The following LINGO2 variants were observed in gnomAD, a reference collection of about 807,000 sequenced individuals.
LINGO2 encodes leucine rich repeat and Ig domain containing 2.
Under a neutral mutation model 30.6 loss-of-function variants are expected in LINGO2, and 14 were observed. The observed-to-expected ratio is 0.46, with a 90% CI of 0.30 to 0.72. The LOEUF (loss-of-function observed/expected upper bound fraction) is 0.72. LINGO2 is among the 30% of genes least tolerant of loss of function. The probability of loss-of-function intolerance (pLI) is 0.07; values close to 1 mark genes in which losing one functional copy is unlikely to be tolerated. For synonymous variants in LINGO2, 317 were observed against 288.5 expected (o/e 1.10, Z -1.00); for missense variants, 729 against 751.7 (o/e 0.97, Z 0.35).
chr9:28,337,509 G>T (rs1388795196), intron 3 of LINGO2, among the ~76,000 whole-genome samples: 2 of 152,128 alleles, frequency 1.3e-5, no homozygotes, highest in Non-Finnish European at 2.9e-5. Flanking sequence ...ACCAATACAA[G>T]GGGAAAATGT....
the LINGO2 span, among the ~76,000 whole-genome samples, chr9:29,197,634 A>C: frequency 6.6e-6 from 1 of 152,082 alleles, no homozygotes; most frequent in African/African-American, 2.4e-5. Flanking sequence ...GTTTCATTAA[A>C]TTTAAACTTT....
the LINGO2 span, among the ~76,000 whole-genome samples, chr9:28,729,907 C>T: frequency 6.6e-6 from 1 of 151,740 alleles, no homozygotes; most frequent in South Asian, 2.1e-4. Flanking sequence ...AATTTTAGAG[C>T]ATTTATATAG....
chr9:28,487,315 T>A (rs998748321), intron 1 of LINGO2, among the ~76,000 whole-genome samples: 5 of 152,168 alleles, frequency 3.3e-5, no homozygotes, highest in African/African-American at 1.2e-4. Context: ...AAGAATAAAT[T>A]GATATTTTCA....
chr9:28,003,563 A>C (rs1405531828), intron 5 of LINGO2, among the ~76,000 whole-genome samples: 2 of 152,036 alleles, frequency 1.3e-5, no homozygotes, highest in African/African-American at 4.8e-5. Context: ...AGTTCATGCC[A>C]TTCTTCTCCT....
chr9:29,170,627 T>C, the LINGO2 span, among the ~76,000 whole-genome samples: 1 of 152,114 alleles, frequency 6.6e-6, no homozygotes, highest in African/African-American at 2.4e-5. Context: ...TCATGCACAT[T>C]ATAGAAAAGT....
intron 5 of LINGO2, among the ~76,000 whole-genome samples, chr9:27,978,159 G>C (rs569664640): frequency 1.1e-4 from 16 of 152,164 alleles, no homozygotes; most frequent in African/African-American, 3.6e-4. Flanking sequence ...TTCAGCTCCA[G>C]AGTCAGCTTT....
the LINGO2 span, among the ~76,000 whole-genome samples, chr9:28,711,870 A>G: frequency 6.6e-6 from 1 of 152,150 alleles, no homozygotes; most frequent in South Asian, 2.1e-4. Context: ...ACAACTCACA[A>G]ATACTATATC....
intron 1 of LINGO2, among the ~76,000 whole-genome samples, chr9:28,562,959 G>C (rs1375792471): frequency 6.6e-6 from 1 of 151,962 alleles, no homozygotes; most frequent in African/African-American, 2.4e-5. Context: ...CGATTATCCT[G>C]CCTCAGCCTC....
chr9:28,280,320 T>C (rs1823274195), intron 4 of LINGO2, among the ~76,000 whole-genome samples: 1 of 152,102 alleles, frequency 6.6e-6, no homozygotes, highest in African/African-American at 2.4e-5. Context: ...GAGAGCTAAA[T>C]ATGTTCAAAA....
At chr9:28,780,233 G>T in the LINGO2 span, among the ~76,000 whole-genome samples, 1 of 152,110 alleles carries the variant, frequency 6.6e-6, no homozygotes, top group African/African-American at 2.4e-5. Context: ...CCCTGTACTC[G>T]GTCTTGCTCA....
the LINGO2 span, among the ~76,000 whole-genome samples, chr9:28,945,651 C>A: frequency 2.6e-5 from 4 of 152,090 alleles, no homozygotes; most frequent in African/African-American, 9.7e-5. Context: ...AGGACTCAAC[C>A]TATCGTACTG....
chr9:28,513,642 C>A (rs1008811081), intron 1 of LINGO2, among the ~76,000 whole-genome samples: 14 of 152,142 alleles, frequency 9.2e-5, no homozygotes, highest in Non-Finnish European at 1.8e-4. Context: ...GATGAGTCTA[C>A]TTTTGCCAAC....
At chr9:28,594,772 A>G (rs1563850797) in intron 1 of LINGO2, among the ~76,000 whole-genome samples, 1 of 152,106 alleles carries the variant, frequency 6.6e-6, no homozygotes, top group African/African-American at 2.4e-5. Flanking sequence ...CATCTCAACT[A>G]TTCTAGAAAG....
intron 4 of LINGO2, among the ~76,000 whole-genome samples, chr9:28,040,342 T>C (rs1218982673): frequency 6.6e-6 from 1 of 152,012 alleles, no homozygotes; most frequent in Non-Finnish European, 1.5e-5. Context: ...TTTCAAAAAC[T>C]GCTGAATTGG....
chr9:28,878,437 G>A, the LINGO2 span, among the ~76,000 whole-genome samples: 29 of 152,240 alleles, frequency 1.9e-4, 1 homozygote, highest in South Asian at 5.6e-3. Flanking sequence ...CATTCCTTCT[G>A]AAACTATTCC....
At chr9:28,766,433 A>G in the LINGO2 span, among the ~76,000 whole-genome samples, 1 of 142,262 alleles carries the variant, frequency 7.0e-6, no homozygotes, top group Non-Finnish European at 1.6e-5. Flanking sequence ...ATTATCAAAA[A>G]GATAAGATGT....
chr9:28,737,846 G>C, the LINGO2 span, among the ~76,000 whole-genome samples: 2 of 151,878 alleles, frequency 1.3e-5, no homozygotes, highest in Non-Finnish European at 2.9e-5. Flanking sequence ...ACACACACAT[G>C]CACTTTAAAT....
chr9:28,762,741 C>T, the LINGO2 span, among the ~76,000 whole-genome samples: 2 of 151,948 alleles, frequency 1.3e-5, no homozygotes, highest in Non-Finnish European at 2.9e-5. Context: ...TTCTTTAGGA[C>T]ATTAGTTCAT....
chr9:28,055,876 G>A lies in LINGO2; in HGVS notation c.-86-43471C>T, dbSNP rs368193597. ...TACTTTGGTTTCGAAGGAGGCATTT[G>A]GCAAAAGTTAAATGTGGCTGATTAC... is the stretch of plus-strand genomic sequence containing the variant. On this transcript the variant is annotated intron_variant, in intron 4 of 5. Transcript: ENST00000379992. 2.6e-5 allele frequency among the ~76,000 whole-genome samples: 4 copies of A among 152,100 alleles called. No individual in the cohort carries two copies. The South Asian group carries it at 6.2e-4, about 24-fold the overall frequency.
Sources: gnomAD v4.1 joint callset for allele counts (sites outside exome capture counted in the v4.1 genomes callset) on GRCh38, gnomAD v4.1.1 for gene constraint, MANE v1.5 for transcripts, NCBI Gene and HGNC (gene_info 2026-07-23, HGNC 2026-07-21) for gene names.